The following GNL3L variants were observed in gnomAD, a reference collection of about 807,000 sequenced individuals.
GNL3L encodes the protein guanine nucleotide-binding protein-like 3-like protein.
GNL3L carries 4 observed loss-of-function variants against 42.9 expected under a neutral mutation model. The ratio of observed to expected loss-of-function variants is 0.09; its 90% CI spans 0.05 to 0.21. GNL3L has a LOEUF of 0.21. Ranked by LOEUF, GNL3L falls within the 10% of genes least tolerant of loss-of-function variation. The pLI is 1.00. For missense variants in GNL3L, 412 were observed against 481.7 expected (o/e 0.86, Z 1.36); for synonymous variants, 159 against 176.3 (o/e 0.90, Z 0.78).
intron 16 of GNL3L, among the ~76,000 whole-genome samples, chrX:54,575,404 G>A (rs1025192006): frequency 6.1e-4 from 66 of 108,381 alleles, no homozygotes; most frequent in African/African-American, 2.1e-3. Flanking sequence ...TAATTTTTTG[G>A]ATGAATGCAC....
rs1235648785 is a variant in GNL3L, at chrX:54,565,736, T to G, written c.*5134T>G. ...TATGCTTATTTGCTATCTACATATC[T>G]TCTTTGGCAAGGTGTTCACATCTCT... On this transcript the variant is annotated 3_prime_UTR_variant, in exon 16 of 16. Transcript: ENST00000360845. Among the ~76,000 whole-genome samples, 1 of 111,135 alleles carries G rather than the reference T, an allele frequency of 9.0e-6. No individual in the cohort carries two copies. The highest frequency in any genetic ancestry group is 9.7e-5 in the Admixed American group (1 of 10,279).
At chrX:54,607,396 A>G (rs992201946) in intron 16 of GNL3L, among the ~76,000 whole-genome samples, 5 of 104,939 alleles carry the variant, frequency 4.8e-5, no homozygotes, top group Non-Finnish European at 7.8e-5. Flanking sequence ...TATTGTAGCA[A>G]TGGGGCACAC....
At chrX:54,638,834 A>C in the GNL3L span, among the ~76,000 whole-genome samples, 1 of 112,175 alleles carries the variant, frequency 8.9e-6, no homozygotes, top group Non-Finnish European at 1.9e-5. Context: ...ATTGCCAACA[A>C]ATCAGCACGG....
intron 16 of GNL3L, among the ~76,000 whole-genome samples, chrX:54,588,896 AT>A (rs1240373012): frequency 8.9e-6 from 1 of 112,030 alleles, no homozygotes; most frequent in Non-Finnish European, 1.9e-5. Context: ...ATTCAATTCA[AT>A]TTTTTTGATA....
chrX:54,551,750 G>C lies in GNL3L; in HGVS notation c.1038+8G>C, dbSNP rs767818897. 7.4e-6 allele frequency: 9 copies of C among 1,210,404 alleles called. No individual in the cohort carries two copies. Among genetic ancestry groups the C allele is most frequent in the Non-Finnish European group, 1.0e-5 (9 of 894,222 alleles). On this transcript the variant is annotated splice_region_variant and intron_variant, in intron 11 of 15. Coordinates refer to ENST00000360845, the MANE Select transcript of GNL3L (RefSeq NM_001184819.2). The stretch of plus-strand genomic sequence containing the variant: ...CGCTGCAACCTGGAGGAGGTCCGCA[G>C]CAGAGCCCTGGCTGATGCCCTGCCC...
At position 54,563,746 on chromosome X, in the gene GNL3L, A is replaced by C. The variant is rs1925338509; in HGVS notation, c.*3144A>C. On this transcript the variant is annotated 3_prime_UTR_variant, in exon 16 of 16. Transcript: ENST00000360845. ...TGCTGCATTGAGCCGAGATTGTGCC[A>C]CTGCTCTCCAGCGTGGGCAACAGAG... is the stretch of plus-strand genomic sequence containing the variant. Among the ~76,000 whole-genome samples the C allele has an allele frequency of 9.4e-6, 1 of 105,829 alleles. No individual in the cohort carries two copies. The highest frequency in any genetic ancestry group is 3.8e-5 in the African/African-American group (1 of 26,019). The allele number at this position is 105,829 out of a possible 115,157, so 91.9% of individuals were successfully genotyped here. A position where few individuals can be genotyped will look rare whatever the true frequency, so the allele number is the denominator to read the frequency against.
chrX:54,532,470 C>A, intron 1 of GNL3L, 50 bp from the exon 2 acceptor site: 1 of 675,854 alleles, frequency 1.5e-6, no homozygotes, highest in Non-Finnish European at 2.4e-6. Flanking sequence ...GGGCTTGTGG[C>A]ATTGTGATTC....
intron 16 of GNL3L, among the ~76,000 whole-genome samples, chrX:54,589,360 A>G (rs975431027): frequency 7.3e-5 from 8 of 110,255 alleles, no homozygotes; most frequent in Non-Finnish European, 1.5e-4. Flanking sequence ...TTTTTGTCCC[A>G]TTAACCATCC....
At chrX:54,638,116 G>T in the GNL3L span, among the ~76,000 whole-genome samples, 1 of 111,683 alleles carries the variant, frequency 9.0e-6, no homozygotes, top group Non-Finnish European at 1.9e-5. Flanking sequence ...TCCTTCTTCC[G>T]CAATATTTTA....
the GNL3L span, among the ~76,000 whole-genome samples, chrX:54,639,975 G>C: frequency 2.7e-5 from 3 of 110,495 alleles, no homozygotes; most frequent in African/African-American, 9.9e-5. Flanking sequence ...GCTGGCCACC[G>C]AGAGTGGAAG....
chrX:54,551,785 G>A (rs1458487409), intron 11 of GNL3L, 43 bp downstream of exon 11: 2 of 1,209,253 alleles, frequency 1.7e-6, no homozygotes, highest in South Asian at 1.8e-5. Flanking sequence ...CTACTCTAAG[G>A]GCCCTTCATT....
At chrX:54,617,079 C>A (rs1926229573) in intron 16 of GNL3L, among the ~76,000 whole-genome samples, 1 of 111,915 alleles carries the variant, frequency 8.9e-6, no homozygotes, top group Non-Finnish European at 1.9e-5. Context: ...GGAGGCTGTT[C>A]TTTAGATTTC....
In GNL3L at chrX:54,551,024, C is replaced by T. The variant is rs375823832; in HGVS notation, c.837C>T (p.Ser279=). 2 of 1,134,591 alleles carry T rather than the reference C, an allele frequency of 1.8e-6. No individual in the cohort carries two copies. Among genetic ancestry groups the T allele is most frequent in the South Asian group, 3.6e-5 (2 of 55,211 alleles). 93.5% of individuals were successfully genotyped at this position (1,134,591 alleles called of 1,213,427 possible). A position where few individuals can be genotyped will look rare whatever the true frequency, so the allele number is the denominator to read the frequency against. Residue 279 remains serine, a synonymous_variant, in exon 10 of 16, where the codon AGC becomes AGT. Transcript: ENST00000360845. Reference sequence around the variant, plus strand: ...GCCTGAAGCGCAGCCGCGCATGCAGCGTGGGAGCTGTTCCTGGAATTACCA... The same window carrying T: ...GCCTGAAGCGCAGCCGCGCATGCAGTGTGGGAGCTGTTCCTGGAATTACCA... ...INSLKRSRAC[S]VGAVPGITKF...
chrX:54,588,305 T>A (rs1169436775), intron 16 of GNL3L, among the ~76,000 whole-genome samples: 4 of 112,219 alleles, frequency 3.6e-5, no homozygotes, highest in Non-Finnish European at 5.6e-5. Context: ...GGGAAAAGCA[T>A]TCAGTCTTTT....
At chrX:54,628,386 G>A in the GNL3L span, among the ~76,000 whole-genome samples, 1 of 110,698 alleles carries the variant, frequency 9.0e-6, no homozygotes, top group African/African-American at 3.3e-5. Context: ...GGGTGAGATT[G>A]CTGGATCAAA....
intron 2 of GNL3L, 67 bp downstream of exon 2, chrX:54,532,652 A>G (rs1924288023): frequency 3.2e-6 from 3 of 935,906 alleles, no homozygotes; most frequent in Non-Finnish European, 4.7e-6. Flanking sequence ...TTTCACAGCA[A>G]CTTTTTGTTT....
intron 16 of GNL3L, among the ~76,000 whole-genome samples, chrX:54,572,789 C>T (rs1475012500): frequency 5.5e-5 from 6 of 108,129 alleles, no homozygotes; most frequent in Admixed American, 9.6e-5. Context: ...ACTTCTCAGA[C>T]GGGGCAGCTG....
At chrX:54,597,818 G>T (rs931408635) in intron 16 of GNL3L, among the ~76,000 whole-genome samples, 4 of 110,943 alleles carry the variant, frequency 3.6e-5, no homozygotes, top group Non-Finnish European at 7.6e-5. Context: ...TTTGCTTTCT[G>T]CTATAATAGG....
chrX:54,535,044 G>A lies in GNL3L; in HGVS notation c.19+2459G>A, dbSNP rs1481648383. 5.4e-5 allele frequency among the ~76,000 whole-genome samples: 6 copies of A among 112,098 alleles called. No homozygotes were observed. The East Asian group carries it at 1.4e-3, about 26-fold the overall frequency. On this transcript the variant is annotated intron_variant, in intron 2 of 15. Transcript: ENST00000360845. The stretch of plus-strand genomic sequence containing the variant: ...GGTCTGTTTCGTGTTTATTTAAACT[G>A]TGTTTATTTAAATTCGACCCATTCA...
Sources: allele counts gnomAD v4.1 joint callset (sites outside exome capture counted in the v4.1 genomes callset), GRCh38; gene constraint gnomAD v4.1.1; transcripts MANE v1.5; gene names NCBI Gene and HGNC (gene_info 2026-07-23, HGNC 2026-07-21).